Variants in KLF15 observed in about 807,000 individuals in gnomAD.
KLF15 encodes the protein KLF transcription factor 15, also known as Krueppel-like factor 15.
In KLF15, 4 loss-of-function variants were observed where a neutral mutation model predicts 24.6. That is an observed-to-expected ratio of 0.16 (90% CI 0.08 to 0.37). The LOEUF is 0.37. KLF15 is among the 10% of genes least tolerant of loss of function. The pLI is 1.00. For missense variants in KLF15, 496 were observed against 560.6 expected, an observed-to-expected ratio of 0.88 and a Z score of 1.16; for synonymous variants, 246 against 236.3, an observed-to-expected ratio of 1.04 and a Z score of -0.37.
At chr3:126,294,988 T>C in the KLF15 span, among the ~76,000 whole-genome samples, 41 of 152,070 alleles carry the variant, frequency 2.7e-4, no homozygotes, top group Non-Finnish European at 4.6e-4. Context: ...TATACATACG[T>C]CTATGGATTC....
intron 2 of KLF15, among the ~76,000 whole-genome samples, chr3:126,348,547 G>A (rs1372911114): frequency 2.0e-5 from 3 of 152,354 alleles, no homozygotes; most frequent in South Asian, 2.1e-4. Flanking sequence ...GGCATGTGAC[G>A]TGAGCAGTCT....
chr3:126,306,533 C>T, the KLF15 span, among the ~76,000 whole-genome samples: 1 of 152,208 alleles, frequency 6.6e-6, no homozygotes, highest in African/African-American at 2.4e-5. Context: ...CAACCTTGGC[C>T]TCTGACTTTG....
the KLF15 span, among the ~76,000 whole-genome samples, chr3:126,312,747 C>T: frequency 9.2e-5 from 14 of 152,296 alleles, no homozygotes; most frequent in South Asian, 2.3e-3. Context: ...CAGACATTTG[C>T]GTTTTCACAG....
the KLF15 span, among the ~76,000 whole-genome samples, chr3:126,318,388 T>C: frequency 6.6e-6 from 1 of 152,224 alleles, no homozygotes; most frequent in Non-Finnish European, 1.5e-5. Flanking sequence ...TCTTGACTCC[T>C]GTTATGGTAG....
At chr3:126,344,818 G>C (rs2082519146) in intron 2 of KLF15, among the ~76,000 whole-genome samples, 1 of 152,256 alleles carries the variant, frequency 6.6e-6, no homozygotes. Context: ...GTATCTGGGA[G>C]TTCAGGTGGC....
the KLF15 span, among the ~76,000 whole-genome samples, chr3:126,312,239 G>A: frequency 6.6e-6 from 1 of 152,166 alleles, no homozygotes; most frequent in Non-Finnish European, 1.5e-5. Context: ...GTAGAGTGAT[G>A]CAAGGCTCAC....
the KLF15 span, among the ~76,000 whole-genome samples, chr3:126,320,862 G>A: frequency 6.6e-6 from 1 of 152,018 alleles, no homozygotes; most frequent in Non-Finnish European, 1.5e-5. Context: ...CCTCTAGCCA[G>A]CTGCCTGATT....
the KLF15 span, among the ~76,000 whole-genome samples, chr3:126,291,987 G>A: frequency 3.3e-5 from 5 of 152,102 alleles, no homozygotes; most frequent in African/African-American, 7.2e-5. Flanking sequence ...ATCACGGCTC[G>A]CCTAATTCAT....
chr3:126,322,779 T>G, the KLF15 span, among the ~76,000 whole-genome samples: 1 of 152,198 alleles, frequency 6.6e-6, no homozygotes, highest in Non-Finnish European at 1.5e-5. Context: ...AAATATTTGT[T>G]CTGGGAGCTA....
downstream of KLF15, among the ~76,000 whole-genome samples, chr3:126,339,929 T>C (rs1362946993): frequency 1.3e-5 from 2 of 152,220 alleles, no homozygotes; most frequent in Non-Finnish European, 2.9e-5. Context: ...GTAGGGCCTT[T>C]TGGCTCCTCT....
intron 2 of KLF15, among the ~76,000 whole-genome samples, chr3:126,344,714 G>T (rs575234553): frequency 1.6e-4 from 24 of 152,142 alleles, no homozygotes; most frequent in Non-Finnish European, 3.5e-4. Context: ...AGGGAGAGAG[G>T]TCCTCAGACT....
In KLF15 at chr3:126,343,381, G is replaced by C. The variant is rs2082498128; in HGVS notation, c.*346C>G. The C allele has an allele frequency of 3.3e-6, 1 of 300,418 alleles. No individual in the cohort carries two copies. The highest frequency in any genetic ancestry group is 6.2e-6 in the Non-Finnish European group (1 of 162,482). 18.6% of individuals were successfully genotyped at this position (300,418 alleles called of 1,614,324 possible). Reference sequence around the variant, plus strand: ...AAAGTTCTGGCCTTGGCCCAGGATGGGGGAGCCCAGTGGGAGAAGGGCCAG... The same window carrying C: ...AAAGTTCTGGCCTTGGCCCAGGATGCGGGAGCCCAGTGGGAGAAGGGCCAG... On this transcript the variant is annotated 3_prime_UTR_variant, in exon 3 of 3. Coordinates refer to ENST00000296233, the MANE Select transcript of KLF15 (RefSeq NM_014079.4).
chr3:126,314,106 C>G, the KLF15 span, among the ~76,000 whole-genome samples: 32,738 of 152,012 alleles, frequency 0.22, 3,952 homozygotes, highest in African/African-American at 0.3. Flanking sequence ...GAGCCCTGGT[C>G]TCAGGCTGTG....
the KLF15 span, among the ~76,000 whole-genome samples, chr3:126,328,431 C>T: frequency 6.6e-6 from 1 of 152,204 alleles, no homozygotes; most frequent in South Asian, 2.1e-4. Flanking sequence ...ACTTCTTTTC[C>T]TCTGGGTAGA....
the KLF15 span, among the ~76,000 whole-genome samples, chr3:126,317,837 C>G: frequency 1.5e-3 from 231 of 152,294 alleles, no homozygotes; most frequent in African/African-American, 5.3e-3. Context: ...AAAAACTTGC[C>G]TGGGTGTCTC....
chr3:126,314,865 A>T, the KLF15 span, among the ~76,000 whole-genome samples: 1 of 152,368 alleles, frequency 6.6e-6, no homozygotes, highest in East Asian at 1.9e-4. Context: ...CCCCAAGGCC[A>T]TCTTTTTATG....
At chr3:126,290,506 A>ACCTACCTTCCTT in the KLF15 span, among the ~76,000 whole-genome samples, 2 of 144,714 alleles carry the variant, frequency 1.4e-5, no homozygotes, top group African/African-American at 2.6e-5. Flanking sequence ...CTTCCTTCCT[A>ACCTACCTTCCTT]CCTTCCTTCC....
At chr3:126,339,429 C>T (rs1335947838), downstream of KLF15, among the ~76,000 whole-genome samples, 1 of 152,186 alleles carries the variant, frequency 6.6e-6, no homozygotes, top group Non-Finnish European at 1.5e-5. Context: ...AACAGCAGGG[C>T]GTTTCTCGTG....
the KLF15 span, among the ~76,000 whole-genome samples, chr3:126,326,820 T>A: frequency 6.6e-6 from 1 of 152,228 alleles, no homozygotes; most frequent in African/African-American, 2.4e-5. Flanking sequence ...AATTTTAAAT[T>A]ATTTTAATAA....
Sources: allele counts gnomAD v4.1 joint callset (sites outside exome capture counted in the v4.1 genomes callset), GRCh38; gene constraint gnomAD v4.1.1; transcripts MANE v1.5; gene names NCBI Gene and HGNC (gene_info 2026-07-23, HGNC 2026-07-21).